Variants in CNIH3 observed in about 807,000 individuals in gnomAD.
CNIH3 encodes the protein protein cornichon homolog 3.
In CNIH3, 14 loss-of-function variants were observed where a neutral mutation model predicts 24.1. The observed-to-expected ratio is 0.58, with a 90% CI of 0.38 to 0.91. The LOEUF is 0.91. Among genes scored for constraint, CNIH3 ranks in the 40% least tolerant of loss-of-function variants. The pLI is 0.00. For synonymous variants in CNIH3, 68 were observed against 73.8 expected (o/e 0.92, Z 0.40); for missense variants, 178 against 196.8 (o/e 0.90, Z 0.57).
intron 1 of CNIH3, among the ~76,000 whole-genome samples, chr1:224,453,706 G>C (rs1002427151): frequency 8.6e-5 from 13 of 151,840 alleles, no homozygotes; most frequent in Non-Finnish European, 1.5e-4. Context: ...CTATTCATAG[G>C]CATGATCAAA....
chr1:224,707,569 G>A (rs1316114017), intron 3 of CNIH3, among the ~76,000 whole-genome samples: 1 of 152,040 alleles, frequency 6.6e-6, no homozygotes, highest in African/African-American at 2.4e-5. Context: ...GGGACGGTCC[G>A]AGAATATTGC....
intron 3 of CNIH3, among the ~76,000 whole-genome samples, chr1:224,698,982 A>AGACTCGGAGGGTTAT (rs143939876): frequency 6.6e-6 from 1 of 151,940 alleles, no homozygotes; most frequent in Non-Finnish European, 1.5e-5. Flanking sequence ...TGGGGAGCTG[A>AGACTCGGAGGGTTAT]GAGGTCACTT....
intron 1 of CNIH3, among the ~76,000 whole-genome samples, chr1:224,678,925 T>C (rs1686266340): frequency 6.6e-6 from 1 of 151,924 alleles, no homozygotes; most frequent in African/African-American, 2.4e-5. Flanking sequence ...AAAGGCAAAA[T>C]AGTAAATATT....
At chr1:224,509,561 T>G (rs1678055934) in intron 1 of CNIH3, among the ~76,000 whole-genome samples, 1 of 152,112 alleles carries the variant, frequency 6.6e-6, no homozygotes, top group Non-Finnish European at 1.5e-5. Flanking sequence ...TGCTGTCCTG[T>G]CCTCTGGACT....
intron 3 of CNIH3, chr1:224,717,780 G>T (rs551837825): frequency 6.6e-6 from 1 of 152,384 alleles, no homozygotes; most frequent in African/African-American, 2.4e-5. Context: ...GTACTCACCT[G>T]TAAGGGACCA....
intron 1 of CNIH3, among the ~76,000 whole-genome samples, chr1:224,510,644 A>T (rs1290855575): frequency 2.0e-5 from 3 of 151,850 alleles, no homozygotes; most frequent in Non-Finnish European, 4.4e-5. Context: ...AACTAGAACC[A>T]TATTAATGTC....
At chr1:224,634,367 G>C (rs940784237) in intron 1 of CNIH3, among the ~76,000 whole-genome samples, 5 of 152,114 alleles carry the variant, frequency 3.3e-5, no homozygotes, top group Non-Finnish European at 4.4e-5. Context: ...TCAGGTGTTC[G>C]AGATGAGCCT....
rs1686583697 is a variant in CNIH3 at position 224,684,973 on chromosome 1, G to T, written c.198+130G>T. 7 of 854,876 alleles carry T rather than the reference G, an allele frequency of 8.2e-6. No individual in the cohort carries two copies. Among genetic ancestry groups the T allele is most frequent in the Non-Finnish European group, 1.2e-5 (6 of 499,240 alleles). 53.0% of individuals were successfully genotyped at this position (854,876 alleles called of 1,614,324 possible). On this transcript the variant is annotated intron_variant, in intron 3 of 5. Coordinates refer to ENST00000272133, the MANE Select transcript of CNIH3 (RefSeq NM_152495.2). This position sits in a 1 kb window ranked among gnomAD's most constrained non-coding sequence, Gnocchi z 4.2. ...AGGGAGGCAAATGGTGGCAGGGAAA[G>T]GGGGAGGTGGGAGCAAGTGATCAGT...
At chr1:224,695,710 A>ATC (rs1687132100) in intron 3 of CNIH3, among the ~76,000 whole-genome samples, 1 of 152,194 alleles carries the variant, frequency 6.6e-6, no homozygotes, top group Admixed American at 6.5e-5. Flanking sequence ...CTAGGGGCCA[A>ATC]TCTCTGCAGG....
chr1:224,531,297 T>C (rs1040495118), intron 2 of CNIH3, among the ~76,000 whole-genome samples: 1 of 152,196 alleles, frequency 6.6e-6, no homozygotes, highest in African/African-American at 2.4e-5. Flanking sequence ...TGGAACTCCA[T>C]GGAGCCTGGA....
Position 224,619,896 on chromosome 1 carries a change from C to T in CNIH3, c.81+2641C>T, listed in dbSNP as rs560813007. Among the ~76,000 whole-genome samples the T allele has an allele frequency of 2.5e-4, 38 of 152,278 alleles. No individual in the cohort carries two copies. In the South Asian group the frequency reaches 7.7e-3, roughly 31 times the overall value. Reference sequence around the variant, plus strand: ...GCTTTTCTTATTGAATTGTACGTACCTACTTAGGGGTAATGATGGTAGCTA... The same window carrying T: ...GCTTTTCTTATTGAATTGTACGTACTTACTTAGGGGTAATGATGGTAGCTA... On this transcript the variant is annotated intron_variant, in intron 1 of 5. Coordinates refer to ENST00000272133, the MANE Select transcript of CNIH3 (RefSeq NM_152495.2).
chr1:224,462,838 G>A (rs1675981119), intron 1 of CNIH3, among the ~76,000 whole-genome samples: 1 of 150,164 alleles, frequency 6.7e-6, no homozygotes, highest in Non-Finnish European at 1.5e-5. Context: ...ACATGGGCTG[G>A]TCTCAAAACA....
chr1:224,434,908 G>T (rs554206066), intron 1 of CNIH3: 652 of 985,728 alleles, frequency 6.6e-4, no homozygotes, highest in Middle Eastern at 6.3e-3. Flanking sequence ...TGCATCGGGG[G>T]CTGTCCCGGG....
rs143937200 is a variant in CNIH3 at position 224,730,441 on chromosome 1, G to A, written c.199-21G>A. 1.1e-3 allele frequency: 1,690 copies of A among 1,484,780 alleles called. 17 individuals carry two copies. In the East Asian group the frequency reaches 0.017, roughly 15 times the overall value. 92.0% of individuals were successfully genotyped at this position (1,484,780 alleles called of 1,614,324 possible). On this transcript the variant is annotated intron_variant, in intron 3 of 5. Coordinates refer to ENST00000272133, the MANE Select transcript of CNIH3 (RefSeq NM_152495.2). The stretch of plus-strand genomic sequence containing the variant: ...CGTTTTCCTCCTCTAACTCAGGGCC[G>A]TGTCTCTGCTCCCTCTTCAGCTGGT...
At chr1:224,486,416 A>G (rs531718248) in intron 1 of CNIH3, among the ~76,000 whole-genome samples, 1 of 152,108 alleles carries the variant, frequency 6.6e-6, no homozygotes, top group Non-Finnish European at 1.5e-5. Context: ...TGTTTTATGC[A>G]TAGTCCTTAA....
At chr1:224,607,246 A>G (rs1286676299) in intron 3 of CNIH3, among the ~76,000 whole-genome samples, 1 of 152,240 alleles carries the variant, frequency 6.6e-6, no homozygotes, top group African/African-American at 2.4e-5. Context: ...GCAAGTCTCA[A>G]TTGTTTTTAG....
At chr1:224,672,439 A>G (rs751458329) in intron 1 of CNIH3, among the ~76,000 whole-genome samples, 3 of 152,204 alleles carry the variant, frequency 2.0e-5, no homozygotes, top group Non-Finnish European at 4.4e-5. Context: ...GTGGCTTAAA[A>G]CAATAGGAAT....
intron 1 of CNIH3, among the ~76,000 whole-genome samples, chr1:224,627,768 G>A (rs1369895882): frequency 1.3e-5 from 2 of 152,136 alleles, no homozygotes; most frequent in Non-Finnish European, 2.9e-5. Flanking sequence ...TCAGGGGCCC[G>A]GGGTGCTGTT....
chr1:224,517,098 T>A (rs1233281576), intron 1 of CNIH3, among the ~76,000 whole-genome samples: 1 of 152,114 alleles, frequency 6.6e-6, no homozygotes, highest in Non-Finnish European at 1.5e-5. Flanking sequence ...TTTGTTTGTT[T>A]GTTAGTTTTT....
Sources: gnomAD v4.1 joint callset for allele counts (sites outside exome capture counted in the v4.1 genomes callset) on GRCh38, gnomAD v4.1.1 for gene constraint, Gnocchi (gnomAD v3.1) non-coding constraint, MANE v1.5 for transcripts, NCBI Gene and HGNC (gene_info 2026-07-23, HGNC 2026-07-21) for gene names.